LMBR1: variants seen among roughly 807,000 people sequenced by gnomAD.
LMBR1 encodes limb development membrane protein 1.
A neutral mutation model predicts 73.9 loss-of-function variants in LMBR1; 52 were observed. That is an observed-to-expected ratio of 0.70 (90% CI 0.56 to 0.89). The LOEUF (loss-of-function observed/expected upper bound fraction) is 0.89. Among genes scored for constraint, LMBR1 ranks in the 40% least tolerant of loss-of-function variants. LMBR1 has a pLI of 0.00. For missense variants in LMBR1, 539 were observed against 579.8 expected (o/e 0.93, Z 0.72); for synonymous variants, 215 against 209.4 (o/e 1.03, Z -0.23).
chr7:156,780,310 A>C (rs1826898337), intron 5 of LMBR1, among the ~76,000 whole-genome samples: 1 of 152,194 alleles, frequency 6.6e-6, no homozygotes, highest in African/African-American at 2.4e-5. Flanking sequence ...TAAAATAAAA[A>C]CACCAACATT....
At chr7:156,780,728 T>C (rs1826980702) in intron 5 of LMBR1, among the ~76,000 whole-genome samples, 1 of 152,218 alleles carries the variant, frequency 6.6e-6, no homozygotes, top group African/African-American at 2.4e-5. Context: ...TGATTACACA[T>C]AACAAAGTTC....
chr7:156,678,174 C>T lies in LMBR1; in HGVS notation c.*5904G>A, dbSNP rs1240153106. 1.3e-5 allele frequency: 2 copies of T among 152,266 alleles called. No homozygotes were observed. The highest frequency in any genetic ancestry group is 2.9e-5 in the Non-Finnish European group (2 of 68,056). The allele number at this position is 152,266 out of a possible 1,614,324, so 9.4% of individuals were successfully genotyped here. A position where few individuals can be genotyped will look rare whatever the true frequency, so the allele number is the denominator to read the frequency against. ...CCTTCCGTGCCTATGTTGGCAGAGTCCATCTCTATTCTTTGCAACCAAGTG... is the reference window on the plus strand; with the variant it reads ...CCTTCCGTGCCTATGTTGGCAGAGTTCATCTCTATTCTTTGCAACCAAGTG... On this transcript the variant is annotated 3_prime_UTR_variant, in exon 17 of 17. Transcript: ENST00000353442.
chr7:156,749,190 T>C (rs1338849742), intron 9 of LMBR1, among the ~76,000 whole-genome samples: 1 of 152,214 alleles, frequency 6.6e-6, no homozygotes, highest in Non-Finnish European at 1.5e-5. Context: ...TGTAGGATTG[T>C]CATTGCCAGA....
intron 1 of LMBR1, among the ~76,000 whole-genome samples, chr7:156,838,288 A>G (rs1192996723): frequency 6.6e-6 from 1 of 152,326 alleles, no homozygotes; most frequent in Admixed American, 6.5e-5. Context: ...TATTTATTAT[A>G]GTCTTCATGT....
chr7:156,709,288 T>C (rs1811609540), intron 15 of LMBR1, among the ~76,000 whole-genome samples: 1 of 152,196 alleles, frequency 6.6e-6, no homozygotes, highest in Non-Finnish European at 1.5e-5. Context: ...AGAATAACCC[T>C]GCTCCCAGGA....
intron 5 of LMBR1, among the ~76,000 whole-genome samples, chr7:156,786,228 GAGAAGGA>G (rs1229724142): frequency 7.0e-6 from 1 of 142,644 alleles, no homozygotes; most frequent in Admixed American, 7.0e-5. Flanking sequence ...AGGAAGGGAA[GAGAAGGA>G]GGAAGGAGGA....
chr7:156,870,457 A>G (rs1479977450), intron 1 of LMBR1, among the ~76,000 whole-genome samples: 1 of 152,192 alleles, frequency 6.6e-6, no homozygotes, highest in Non-Finnish European at 1.5e-5. Flanking sequence ...GAAAAAGAAA[A>G]AAAGGAAATT....
intron 4 of LMBR1, among the ~76,000 whole-genome samples, chr7:156,812,611 TGAG>T (rs1169328975): frequency 6.6e-6 from 1 of 152,084 alleles, no homozygotes; most frequent in Non-Finnish European, 1.5e-5. Context: ...GGGCCTCCAA[TGAG>T]GAAGGCAACA....
intron 10 of LMBR1, among the ~76,000 whole-genome samples, chr7:156,729,210 G>A (rs1816366380): frequency 6.6e-6 from 1 of 152,134 alleles, no homozygotes; most frequent in South Asian, 2.1e-4. Context: ...GTAAATTTCA[G>A]CTCTGTGAAG....
At chr7:156,859,408 A>C (rs1797423749) in intron 1 of LMBR1, among the ~76,000 whole-genome samples, 1 of 152,204 alleles carries the variant, frequency 6.6e-6, no homozygotes, top group Non-Finnish European at 1.5e-5. Flanking sequence ...AGAAAGAAAT[A>C]AAACTCTCTT....
intron 5 of LMBR1, among the ~76,000 whole-genome samples, chr7:156,770,009 A>G (rs192905213): frequency 1.1e-4 from 16 of 152,270 alleles, no homozygotes; most frequent in South Asian, 6.2e-4. Flanking sequence ...ACACCACTCT[A>G]TCAGTCTGTG....
chr7:156,797,810 C>T (rs973064543), intron 4 of LMBR1, among the ~76,000 whole-genome samples: 1 of 152,084 alleles, frequency 6.6e-6, no homozygotes, highest in Admixed American at 6.5e-5. Flanking sequence ...CAAAAATCTA[C>T]ATGGATTTAA....
chr7:156,721,645 T>C (rs1297238552), intron 15 of LMBR1, among the ~76,000 whole-genome samples: 1 of 152,112 alleles, frequency 6.6e-6, no homozygotes, highest in African/African-American at 2.4e-5. Context: ...TTCATTTACA[T>C]AGCATTACTT....
intron 8 of LMBR1, among the ~76,000 whole-genome samples, chr7:156,756,938 T>C (rs1821997489): frequency 6.6e-6 from 1 of 152,110 alleles, no homozygotes; most frequent in Admixed American, 6.5e-5. Flanking sequence ...CACCTCAACC[T>C]CCCTAGTAGC....
chr7:156,848,063 TAAAA>T (rs1363349284), intron 1 of LMBR1, among the ~76,000 whole-genome samples: 1 of 139,794 alleles, frequency 7.2e-6, no homozygotes, highest in African/African-American at 2.6e-5. Context: ...CATTCAACAC[TAAAA>T]AAAAAAAAAT....
chr7:156,812,958 G>A (rs948169470), intron 4 of LMBR1, among the ~76,000 whole-genome samples: 3 of 152,068 alleles, frequency 2.0e-5, no homozygotes, highest in African/African-American at 7.2e-5. Flanking sequence ...CCCATCTCTG[G>A]GGATTATTGT....
intron 15 of LMBR1, among the ~76,000 whole-genome samples, chr7:156,713,654 T>C (rs527245845): frequency 2.0e-4 from 30 of 152,074 alleles, no homozygotes; most frequent in African/African-American, 4.6e-4. Flanking sequence ...GGAGAAATGT[T>C]TGGGGGTGAT....
chr7:156,742,611 C>T (rs537827485), intron 9 of LMBR1, among the ~76,000 whole-genome samples: 1 of 152,172 alleles, frequency 6.6e-6, no homozygotes, highest in South Asian at 2.1e-4. Context: ...GAGATCAAAC[C>T]TGTAATAAAA....
chr7:156,817,052 C>T (rs1834020944), intron 4 of LMBR1, among the ~76,000 whole-genome samples: 1 of 152,016 alleles, frequency 6.6e-6, no homozygotes, highest in African/African-American at 2.4e-5. Flanking sequence ...TATCCAATGC[C>T]CATCCCCAGA....
Sources: allele counts gnomAD v4.1 joint callset (sites outside exome capture counted in the v4.1 genomes callset), GRCh38; gene constraint gnomAD v4.1.1; transcripts MANE v1.5; gene names NCBI Gene and HGNC (gene_info 2026-07-23, HGNC 2026-07-21).